Variants in TIAM2 observed in about 807,000 individuals in gnomAD.
TIAM2 encodes the protein TIAM Rac1 associated GEF 2.
A neutral mutation model predicts 152.9 loss-of-function variants in TIAM2; 80 were observed. The ratio of observed to expected loss-of-function variants is 0.52; its 90% CI spans 0.44 to 0.63. The LOEUF is 0.63. Among genes scored for constraint, TIAM2 ranks in the 30% least tolerant of loss-of-function variants. The probability of loss-of-function intolerance (pLI) is 0.00; values close to 1 mark genes in which losing one functional copy is unlikely to be tolerated. For missense variants in TIAM2, 1,965 were observed against 2,120.1 expected (o/e 0.93, Z 1.44); for synonymous variants, 804 against 838.0 (o/e 0.96, Z 0.70).
At chr6:155,175,189 A>G (rs1180808175) in intron 9 of TIAM2, among the ~76,000 whole-genome samples, 1 of 152,210 alleles carries the variant, frequency 6.6e-6, no homozygotes, top group African/African-American at 2.4e-5. Context: ...TCCTTCCAGA[A>G]AAATGTACTG....
rs564729685 is a variant in TIAM2 at position 155,111,367 on chromosome 6, C to T, written c.-117-16123C>T. On this transcript the variant is annotated intron_variant, in intron 2 of 26. Transcript: ENST00000682666. ...CCGTTGAAAATTGATAGGATGATCACAAATGTATCCAAACAGCCAGACAAG... is the reference window on the plus strand; with the variant it reads ...CCGTTGAAAATTGATAGGATGATCATAAATGTATCCAAACAGCCAGACAAG... 5.7e-3 allele frequency among the ~76,000 whole-genome samples: 871 copies of T among 151,788 alleles called. 6 individuals are homozygous for T. The highest frequency in any genetic ancestry group is 0.018 in the Admixed American group (273 of 15,188).
intron 1 of TIAM2, among the ~76,000 whole-genome samples, chr6:155,053,871 A>G (rs184592709): frequency 7.2e-5 from 11 of 152,260 alleles, no homozygotes; most frequent in Non-Finnish European, 1.3e-4. Flanking sequence ...TACACTTTTT[A>G]TAGTCAGCAT....
At chr6:155,172,660 ATATATATATATATATATATATATATATT>A (rs1780623306) in intron 9 of TIAM2, among the ~76,000 whole-genome samples, 1 of 35,048 alleles carries the variant, frequency 2.9e-5, no homozygotes, top group African/African-American at 1.2e-4. Flanking sequence ...ATATATATAT[ATATATATATATATATATATATATATATT>A]TTTTTTTTTT....
intron 16 of TIAM2, among the ~76,000 whole-genome samples, chr6:155,243,072 C>T (rs1026685256): frequency 1.1e-4 from 16 of 151,928 alleles, no homozygotes; most frequent in African/African-American, 3.9e-4. Context: ...CAAAATCTTT[C>T]GCTCATGGGT....
intron 1 of TIAM2, among the ~76,000 whole-genome samples, chr6:155,020,459 TTTG>T (rs745980044): frequency 6.6e-6 from 1 of 152,118 alleles, no homozygotes; most frequent in Non-Finnish European, 1.5e-5. Flanking sequence ...GTATTAGCCT[TTTG>T]TTGTTGTTTT....
At chr6:155,067,301 G>A (rs555940657) in intron 1 of TIAM2, among the ~76,000 whole-genome samples, 4 of 152,144 alleles carry the variant, frequency 2.6e-5, no homozygotes, top group East Asian at 3.9e-4. Flanking sequence ...CACCCCAAGC[G>A]TCCTCTCTCT....
chr6:155,246,891 A>C (rs181785764), intron 19 of TIAM2, among the ~76,000 whole-genome samples: 1 of 152,358 alleles, frequency 6.6e-6, no homozygotes, highest in Admixed American at 6.5e-5. Context: ...ATCTTCCTTC[A>C]GAGTAGCTGC....
chr6:155,012,170 G>C (rs945796002), intron 1 of TIAM2, among the ~76,000 whole-genome samples: 8 of 152,142 alleles, frequency 5.3e-5, no homozygotes, highest in Non-Finnish European at 1.0e-4. Flanking sequence ...CTTATGGCCA[G>C]TTTATTACAA....
chr6:155,061,461 G>A (rs959072343), intron 1 of TIAM2, among the ~76,000 whole-genome samples: 3 of 150,926 alleles, frequency 2.0e-5, no homozygotes, highest in Non-Finnish European at 4.4e-5. Context: ...TAGCCTTCCC[G>A]CTTTTCGTAT....
At chr6:155,084,517 G>A (rs1778137674) in intron 1 of TIAM2, among the ~76,000 whole-genome samples, 1 of 152,226 alleles carries the variant, frequency 6.6e-6, no homozygotes, top group Non-Finnish European at 1.5e-5. Flanking sequence ...ATTGACTGAT[G>A]TGATCACCAG....
chr6:155,254,293 G>C, intron 25 of TIAM2, 126 bp from the exon 26 acceptor site: 1 of 1,291,230 alleles, frequency 7.7e-7, no homozygotes, highest in South Asian at 1.4e-5. Flanking sequence ...ACATGGCACT[G>C]CTGCTGGGTG....
rs1222707420 is a variant in TIAM2 at position 155,129,838 on chromosome 6, A to G, written c.615A>G (p.Ala205=). The change falls in exon 4 of 27, where the codon GCA becomes GCG. Residue 205 remains alanine (A), a synonymous_variant. Transcript: ENST00000682666. This position sits in a 1 kb window ranked among gnomAD's most constrained non-coding sequence, Gnocchi z 4.8. Reference sequence around the variant, plus strand: ...TGCTGAGGTACTCACCTACCTTAGCATCGGAAACCTCCCCTGTGCCTGAAG... The same window carrying G: ...TGCTGAGGTACTCACCTACCTTAGCGTCGGAAACCTCCCCTGTGCCTGAAG... ...VQLLRYSPTL[A]SETSPVPEAR... The G allele has an allele frequency of 6.2e-6, 10 of 1,613,568 alleles. No homozygotes were observed. The highest frequency in any genetic ancestry group is 3.3e-5 in the South Asian group (3 of 91,090).
intron 20 of TIAM2, among the ~76,000 whole-genome samples, chr6:155,248,566 C>A (rs1463128541): frequency 6.6e-6 from 1 of 152,188 alleles, no homozygotes; most frequent in African/African-American, 2.4e-5. Flanking sequence ...GGTTCGCTGC[C>A]CGAGCTGCTG....
chr6:155,198,219 T>C (rs17086043), intron 14 of TIAM2, among the ~76,000 whole-genome samples: 1 of 152,220 alleles, frequency 6.6e-6, no homozygotes, highest in Non-Finnish European at 1.5e-5. Context: ...ACTGTGTGCC[T>C]GTCCTAATTA....
chr6:155,005,901 C>T (rs1244411723), intron 1 of TIAM2, among the ~76,000 whole-genome samples: 1 of 152,042 alleles, frequency 6.6e-6, no homozygotes, highest in South Asian at 2.1e-4. Context: ...CTGCCTGCCT[C>T]GGCATCCCAA....
intron 15 of TIAM2, among the ~76,000 whole-genome samples, chr6:155,237,991 T>C (rs2115300006): frequency 6.6e-6 from 1 of 152,364 alleles, no homozygotes; most frequent in African/African-American, 2.4e-5. Flanking sequence ...GAAAATGGGA[T>C]TTTCTTTGCT....
intron 1 of TIAM2, among the ~76,000 whole-genome samples, chr6:155,074,537 G>A (rs1777909757): frequency 1.3e-5 from 2 of 152,090 alleles, no homozygotes; most frequent in South Asian, 4.2e-4. Flanking sequence ...TAGTAGAGTC[G>A]GGGTTTCGCC....
At chr6:155,047,418 G>C (rs1018573734) in intron 1 of TIAM2, among the ~76,000 whole-genome samples, 2 of 152,126 alleles carry the variant, frequency 1.3e-5, no homozygotes, top group African/African-American at 4.8e-5. Flanking sequence ...GACCTCAAGT[G>C]ATCCACCCGC....
chr6:155,003,111 T>C (rs1027304894), intron 1 of TIAM2, among the ~76,000 whole-genome samples: 1 of 152,186 alleles, frequency 6.6e-6, no homozygotes, highest in Admixed American at 6.5e-5. Flanking sequence ...AAAAGTATTA[T>C]AATATGATTA....
Sources: gnomAD v4.1 joint callset for allele counts (sites outside exome capture counted in the v4.1 genomes callset) on GRCh38, gnomAD v4.1.1 for gene constraint, Gnocchi (gnomAD v3.1) non-coding constraint, MANE v1.5 for transcripts, NCBI Gene and HGNC (gene_info 2026-07-23, HGNC 2026-07-21) for gene names.